The following AK8 variants were observed in gnomAD, a reference collection of about 807,000 sequenced individuals.
AK8 encodes adenylate kinase 8.
In AK8, 44 loss-of-function variants were observed where a neutral mutation model predicts 54.6. The observed-to-expected ratio is 0.81, with a 90% CI of 0.63 to 1.04. The LOEUF is 1.04. Ranked by LOEUF, AK8 falls within the 50% of genes least tolerant of loss-of-function variation. The pLI is 0.00. For synonymous variants in AK8, 239 were observed against 245.6 expected, an observed-to-expected ratio of 0.97 and a Z score of 0.25; for missense variants, 555 against 613.6, an observed-to-expected ratio of 0.90 and a Z score of 1.01.
rs944202241 is a variant in AK8, at chr9:132,751,671, T to C, written c.1122-24137A>G. On this transcript the variant is annotated intron_variant, in intron 11 of 12. Transcript: ENST00000298545. ...ATCAACTTGTGATAATCCTGGTCCT[T>C]GTGTGACGGCTGACGAGCACAAATG... is the stretch of plus-strand genomic sequence containing the variant. 1.1e-4 allele frequency among the ~76,000 whole-genome samples: 16 copies of C among 151,848 alleles called. No homozygotes were observed. The South Asian group carries it at 2.3e-3, about 22-fold the overall frequency.
chr9:132,767,280 T>TA (rs1316922041), intron 11 of AK8, among the ~76,000 whole-genome samples: 1 of 151,986 alleles, frequency 6.6e-6, no homozygotes, highest in Non-Finnish European at 1.5e-5. Context: ...CAAAGCCAAT[T>TA]AAAAAATGGG....
chr9:132,773,432 G>A (rs898774219), intron 11 of AK8, among the ~76,000 whole-genome samples: 2 of 152,040 alleles, frequency 1.3e-5, no homozygotes, highest in South Asian at 2.1e-4. Flanking sequence ...CCTTTATCCT[G>A]TTTTATTCTC....
intron 4 of AK8, among the ~76,000 whole-genome samples, chr9:132,857,720 G>A (rs1843229771): frequency 6.6e-6 from 1 of 152,224 alleles, no homozygotes; most frequent in Non-Finnish European, 1.5e-5. Context: ...CGCAGGGGGT[G>A]CCAGCCAGTC....
intron 10 of AK8, 76 bp downstream of exon 10, chr9:132,814,562 G>A (rs570383787): frequency 1.4e-6 from 2 of 1,419,420 alleles, no homozygotes; most frequent in South Asian, 1.3e-5. Context: ...GCCCCTGAAT[G>A]TTCAGAGAGC....
intron 11 of AK8, among the ~76,000 whole-genome samples, chr9:132,732,153 CA>C (rs57738077): frequency 0.83 from 126,699 of 151,924 alleles, 53,014 homozygotes; most frequent in Admixed American, 0.89. Flanking sequence ...TTTAATATCT[CA>C]AAAAAAATCC....
chr9:132,819,716 C>G (rs1159568830), intron 9 of AK8, among the ~76,000 whole-genome samples: 1 of 151,874 alleles, frequency 6.6e-6, no homozygotes, highest in Non-Finnish European at 1.5e-5. Flanking sequence ...TGCAGAATAC[C>G]TATTTTTTTA....
chr9:132,759,889 A>G (rs1838372837), intron 11 of AK8, among the ~76,000 whole-genome samples: 1 of 152,178 alleles, frequency 6.6e-6, no homozygotes, highest in African/African-American at 2.4e-5. Flanking sequence ...TAACTTGATA[A>G]ATTTTTAACT....
chr9:132,850,268 G>A (rs532811245), intron 5 of AK8, among the ~76,000 whole-genome samples: 1 of 142,906 alleles, frequency 7.0e-6, no homozygotes, highest in Non-Finnish European at 1.5e-5. Context: ...AGCCCAGGCT[G>A]GAGTGCAATG....
At chr9:132,836,975 G>A (rs1842351463) in intron 5 of AK8, among the ~76,000 whole-genome samples, 1 of 152,202 alleles carries the variant, frequency 6.6e-6, no homozygotes, top group Admixed American at 6.5e-5. Flanking sequence ...GGCATACACA[G>A]GCTTTTCATA....
At chr9:132,868,750 C>CA (rs773292900) in intron 2 of AK8, among the ~76,000 whole-genome samples, 3 of 152,186 alleles carry the variant, frequency 2.0e-5, no homozygotes, top group Non-Finnish European at 4.4e-5. Flanking sequence ...CCTTCAGGGC[C>CA]ACCTCCTTGG....
intron 9 of AK8, among the ~76,000 whole-genome samples, chr9:132,820,094 G>A (rs1204669326): frequency 2.1e-5 from 3 of 140,450 alleles, no homozygotes; most frequent in East Asian, 2.2e-4. Context: ...AGGCTGCAGT[G>A]AGCCATGACT....
intron 1 of AK8, among the ~76,000 whole-genome samples, chr9:132,876,868 G>C (rs779100104): frequency 6.6e-6 from 1 of 151,816 alleles, no homozygotes; most frequent in Non-Finnish European, 1.5e-5. Flanking sequence ...AGACCAGTCC[G>C]GGCAACATAG....
At chr9:132,754,529 G>A (rs534421269) in intron 11 of AK8, among the ~76,000 whole-genome samples, 4 of 152,212 alleles carry the variant, frequency 2.6e-5, no homozygotes, top group African/African-American at 9.6e-5. Context: ...ATATCAGGCC[G>A]CCCCCTTTCA....
At chr9:132,748,241 T>C (rs892762796) in intron 11 of AK8, among the ~76,000 whole-genome samples, 17 of 152,088 alleles carry the variant, frequency 1.1e-4, no homozygotes, top group African/African-American at 1.9e-4. Flanking sequence ...GAAGTTCTTA[T>C]GCGCAGATCA....
At chr9:132,814,476 A>C (rs1841224479) in intron 10 of AK8, among the ~76,000 whole-genome samples, 162 bp downstream of exon 10, 2 of 152,030 alleles carry the variant, frequency 1.3e-5, no homozygotes, top group African/African-American at 4.8e-5. Flanking sequence ...AAGAGGCCTT[A>C]CCGGAAGCAA....
At chr9:132,851,699 G>C (rs1007072937) in intron 5 of AK8, among the ~76,000 whole-genome samples, 3 of 152,226 alleles carry the variant, frequency 2.0e-5, no homozygotes, top group African/African-American at 4.8e-5. Flanking sequence ...GCACGGCACT[G>C]CAAAGTTGCT....
chr9:132,821,170 A>G (rs935334174), intron 9 of AK8, among the ~76,000 whole-genome samples: 14 of 151,816 alleles, frequency 9.2e-5, no homozygotes, highest in Non-Finnish European at 1.0e-4. Flanking sequence ...TCTGCATCAT[A>G]AAACAGAGCA....
At chr9:132,771,971 C>G (rs959074419) in intron 11 of AK8, among the ~76,000 whole-genome samples, 1 of 152,268 alleles carries the variant, frequency 6.6e-6, no homozygotes, top group African/African-American at 2.4e-5. Context: ...AGCGAGAGAA[C>G]TTGTGCAGGG....
chr9:132,807,787 G>A (rs1588152827), intron 10 of AK8, among the ~76,000 whole-genome samples: 2 of 152,134 alleles, frequency 1.3e-5, no homozygotes, highest in South Asian at 2.1e-4. Flanking sequence ...AGTGAAAATC[G>A]GGAAGCGACA....
Sources: gnomAD v4.1 joint callset for allele counts (sites outside exome capture counted in the v4.1 genomes callset) on GRCh38, gnomAD v4.1.1 for gene constraint, MANE v1.5 for transcripts, NCBI Gene and HGNC (gene_info 2026-07-23, HGNC 2026-07-21) for gene names.